NDUFA12: variants seen among roughly 807,000 people sequenced by gnomAD.
NDUFA12 encodes NADH:ubiquinone oxidoreductase subunit A12.
A neutral mutation model predicts 20.3 loss-of-function variants in NDUFA12; 17 were observed. That is an observed-to-expected ratio of 0.84 (90% CI 0.57 to 1.26). The LOEUF is 1.26. Ranked by LOEUF, NDUFA12 falls within the 50% of genes most tolerant of loss-of-function variation. NDUFA12 has a pLI of 0.00. For missense variants in NDUFA12, 191 were observed against 183.7 expected, an observed-to-expected ratio of 1.04 and a Z score of -0.23; for synonymous variants, 72 against 63.6, an observed-to-expected ratio of 1.13 and a Z score of -0.63.
chr12:94,994,861 C>A (rs1035829853), intron 2 of NDUFA12, among the ~76,000 whole-genome samples: 1 of 152,160 alleles, frequency 6.6e-6, no homozygotes. Context: ...CTTATTTACA[C>A]AATTGGGTCC....
chr12:94,994,393 C>T, intron 2 of NDUFA12, 136 bp from the exon 3 acceptor site: 1 of 671,182 alleles, frequency 1.5e-6, no homozygotes, highest in South Asian at 1.8e-5. Context: ...GGAGGAATAA[C>T]ACCCTGGGTG....
intron 2 of NDUFA12, among the ~76,000 whole-genome samples, chr12:94,994,601 GA>G (rs1874757207): frequency 6.6e-6 from 1 of 152,204 alleles, no homozygotes; most frequent in African/African-American, 2.4e-5. Context: ...AGGGTATTCA[GA>G]AAAGAAGGTG....
At chr12:94,972,391 A>C (rs1873917369) in intron 3 of NDUFA12, 3 of 415,424 alleles carry the variant, frequency 7.2e-6, no homozygotes, top group Non-Finnish European at 1.5e-5. Context: ...ACTGATAAAA[A>C]TACAGTATTA....
At chr12:94,981,341 C>T (rs11107836) in intron 3 of NDUFA12, among the ~76,000 whole-genome samples, 12,172 of 151,974 alleles carry the variant, frequency 0.08, 560 homozygotes, top group East Asian at 0.16. Flanking sequence ...CCAGCTACTC[C>T]GGGTGCTGAG....
chr12:94,999,768 C>T (rs1378744946), intron 2 of NDUFA12, among the ~76,000 whole-genome samples: 1 of 152,142 alleles, frequency 6.6e-6, no homozygotes, highest in African/African-American at 2.4e-5. Flanking sequence ...ATTAAAACCA[C>T]AATGAGATAG....
intron 3 of NDUFA12, among the ~76,000 whole-genome samples, chr12:94,982,731 C>T (rs4923659): frequency 0.073 from 11,058 of 152,182 alleles, 476 homozygotes; most frequent in Middle Eastern, 0.18. Flanking sequence ...ATTCCCTTTC[C>T]CACAGGGTCA....
intron 2 of NDUFA12, among the ~76,000 whole-genome samples, chr12:94,994,946 C>A (rs963531874): frequency 6.6e-6 from 1 of 152,068 alleles, no homozygotes; most frequent in African/African-American, 2.4e-5. Flanking sequence ...GCCTCAGTTT[C>A]TTTATCTAGT....
At chr12:94,993,541 C>T (rs989900295) in intron 3 of NDUFA12, among the ~76,000 whole-genome samples, 4 of 138,904 alleles carry the variant, frequency 2.9e-5, no homozygotes, top group South Asian at 4.8e-4. Context: ...AGGAGAACTG[C>T]TTGAACCTGG....
intron 2 of NDUFA12, among the ~76,000 whole-genome samples, chr12:95,002,437 CAAAAAAAAAAAAAA>C (rs71075895): frequency 2.4e-4 from 15 of 63,624 alleles, no homozygotes; most frequent in African/African-American, 6.2e-4. Flanking sequence ...GACTCCATCT[CAAAAAAAAAAAAAA>C]AAAAAAAAAA....
intron 3 of NDUFA12, among the ~76,000 whole-genome samples, chr12:94,985,002 C>CATAACATAACATAACATAAG (rs140889669): frequency 7.4e-6 from 1 of 134,812 alleles, no homozygotes; most frequent in African/African-American, 2.8e-5. Context: ...CATAACATAA[C>CATAACATAACATAACATAAG]ATAAAATAAG....
At chr12:94,992,158 A>G (rs1412309645) in intron 3 of NDUFA12, among the ~76,000 whole-genome samples, 1 of 152,254 alleles carries the variant, frequency 6.6e-6, no homozygotes, top group Non-Finnish European at 1.5e-5. Flanking sequence ...TTGTATATCA[A>G]CTGTATGGTA....
At chr12:94,981,342 G>A (rs142259003) in intron 3 of NDUFA12, among the ~76,000 whole-genome samples, 403 of 152,292 alleles carry the variant, frequency 2.6e-3, no homozygotes, top group African/African-American at 8.1e-3. Context: ...CAGCTACTCC[G>A]GGTGCTGAGG....
intron 3 of NDUFA12, among the ~76,000 whole-genome samples, chr12:94,988,715 G>A (rs1874534809): frequency 6.6e-6 from 1 of 152,144 alleles, no homozygotes; most frequent in Non-Finnish European, 1.5e-5. Context: ...GTACTATGTA[G>A]CAGTTACATC....
At chr12:94,999,322 C>CA (rs1874942362) in intron 2 of NDUFA12, among the ~76,000 whole-genome samples, 1 of 152,168 alleles carries the variant, frequency 6.6e-6, no homozygotes, top group Non-Finnish European at 1.5e-5. Flanking sequence ...TTGCCTTATA[C>CA]AAAAATCAAC....
At chr12:94,984,398 GAATC>G (rs1874341335) in intron 3 of NDUFA12, among the ~76,000 whole-genome samples, 1 of 152,042 alleles carries the variant, frequency 6.6e-6, no homozygotes, top group Non-Finnish European at 1.5e-5. Context: ...CAAGGTGGGT[GAATC>G]ACCTGAGGTT....
At chr12:94,988,295 T>C (rs1048364272) in intron 3 of NDUFA12, among the ~76,000 whole-genome samples, 2 of 152,240 alleles carry the variant, frequency 1.3e-5, no homozygotes, top group Non-Finnish European at 1.5e-5. Context: ...CTGATATTTA[T>C]GGTCATATTG....
intron 3 of NDUFA12, chr12:94,972,564 AT>A (rs1873924853): frequency 2.5e-6 from 1 of 400,000 alleles, no homozygotes; most frequent in African/African-American, 2.1e-5. Context: ...AACTTGTTAT[AT>A]TAAAAAATTA....
intron 3 of NDUFA12, among the ~76,000 whole-genome samples, chr12:94,985,317 C>A (rs1874390138): frequency 1.3e-5 from 2 of 151,358 alleles, no homozygotes; most frequent in Non-Finnish European, 2.9e-5. Flanking sequence ...ATAGCGAGAC[C>A]CTATCTTTAA....
rs545286127 is a variant in NDUFA12, at chr12:94,980,776, G to A, written c.258-9156C>T. The stretch of plus-strand genomic sequence containing the variant: ...GCCACCAAGTGGGAAAACGGTATAC[G>A]TGCAATAGAGAAAAATCTAACCAAG... On this transcript the variant is annotated intron_variant, in intron 3 of 3. Transcript: ENST00000327772. Among the ~76,000 whole-genome samples, 9 of 151,648 alleles carry A rather than the reference G, an allele frequency of 5.9e-5. No individual in the cohort carries two copies. The South Asian group carries it at 1.5e-3, about 25-fold the overall frequency.
Sources: gnomAD v4.1 joint callset for allele counts (sites outside exome capture counted in the v4.1 genomes callset) on GRCh38, gnomAD v4.1.1 for gene constraint, MANE v1.5 for transcripts, NCBI Gene and HGNC (gene_info 2026-07-23, HGNC 2026-07-21) for gene names.